CDKAL1: variants seen among roughly 807,000 people sequenced by gnomAD.
The protein encoded by CDKAL1 is CDKAL1 threonylcarbamoyladenosine tRNA methylthiotransferase, also known as threonylcarbamoyladenosine tRNA methylthiotransferase.
A neutral mutation model predicts 68.2 loss-of-function variants in CDKAL1; 32 were observed. The ratio of observed to expected loss-of-function variants is 0.47; its 90% CI spans 0.35 to 0.63. The LOEUF is 0.63. CDKAL1 is among the 30% of genes least tolerant of loss of function. CDKAL1 has a pLI of 0.00. For synonymous variants in CDKAL1, 234 were observed against 244.3 expected (o/e 0.96, Z 0.39); for missense variants, 606 against 696.7 (o/e 0.87, Z 1.47).
intron 9 of CDKAL1, among the ~76,000 whole-genome samples, chr6:20,891,695 C>T (rs1260277491): frequency 6.6e-6 from 1 of 151,972 alleles, no homozygotes; most frequent in African/African-American, 2.4e-5. Context: ...CCACCATGCC[C>T]GGCTAATTTT....
rs1013680232 is a variant in CDKAL1 at position 20,682,396 on chromosome 6, C to T, written c.371+33019C>T. On this transcript the variant is annotated intron_variant, in intron 5 of 15. Transcript: ENST00000274695. ...TGAGACTGGATAATTTATGGTGAAA[C>T]GAGGTTTAATTGACCCAGGGTTCCA... Among the ~76,000 whole-genome samples, 13 of 152,208 alleles carry T rather than the reference C, an allele frequency of 8.5e-5. No homozygotes were observed. In the South Asian group the frequency reaches 1.7e-3, roughly 19 times the overall value.
chr6:20,671,600 C>T (rs1204844940), intron 5 of CDKAL1, among the ~76,000 whole-genome samples: 4 of 152,148 alleles, frequency 2.6e-5, no homozygotes, highest in African/African-American at 9.7e-5. Flanking sequence ...TTTATATCTC[C>T]AATCCTTTTG....
At position 21,000,340 on chromosome 6, in the gene CDKAL1, C is replaced by T. The variant is rs1767363449; in HGVS notation, c.1023C>T (p.Asp341=). 1 of 1,613,504 alleles carries T rather than the reference C, an allele frequency of 6.2e-7. No individual in the cohort carries two copies. The highest frequency in any genetic ancestry group is 1.3e-5 in the African/African-American group (1 of 74,914). ...TGAAAAGAGAATACTGTGTGGCTGA[C>T]TTCAAAAGAGTAGTGGATTTTCTGA... ...MEMKREYCVA[D]FKRVVDFLKE... The change falls in exon 11 of 16, where the codon GAC becomes GAT. Residue 341 remains aspartate (D), a synonymous_variant. Coordinates refer to ENST00000274695, the MANE Select transcript of CDKAL1 (RefSeq NM_017774.3).
chr6:21,211,092 A>G (rs1489484145), intron 15 of CDKAL1, among the ~76,000 whole-genome samples: 1 of 152,218 alleles, frequency 6.6e-6, no homozygotes, highest in Non-Finnish European at 1.5e-5. Flanking sequence ...GGGAACTGTC[A>G]ATGTGGAGAG....
chr6:20,896,085 T>TC (rs943236732), intron 9 of CDKAL1, among the ~76,000 whole-genome samples: 1 of 128,702 alleles, frequency 7.8e-6, no homozygotes, highest in African/African-American at 2.8e-5. Context: ...TTTTCTTTTT[T>TC]TTCTTTTCTT....
At chr6:20,942,156 G>A (rs1037537178) in intron 9 of CDKAL1, among the ~76,000 whole-genome samples, 1 of 152,004 alleles carries the variant, frequency 6.6e-6, no homozygotes, top group Non-Finnish European at 1.5e-5. Flanking sequence ...CACTTTGATT[G>A]ATTGATGGTT....
At chr6:20,616,192 T>C (rs1561969184) in intron 4 of CDKAL1, among the ~76,000 whole-genome samples, 1 of 152,144 alleles carries the variant, frequency 6.6e-6, no homozygotes, top group Non-Finnish European at 1.5e-5. Context: ...AGCCTTGTAG[T>C]ATAGTTTGAA....
intron 14 of CDKAL1, among the ~76,000 whole-genome samples, chr6:21,199,391 C>T (rs924783461): frequency 6.6e-6 from 1 of 152,182 alleles, no homozygotes; most frequent in Non-Finnish European, 1.5e-5. Flanking sequence ...CCATGTCTGG[C>T]CTGCATCGCT....
rs142152050 is a variant in CDKAL1, at chr6:21,078,589, C to T, written c.1236+13361C>T. ...AGGAGCTCCTGCCTGCCTCTCCACTCCTCGATCTTGCCATTCCTTCCAACT... is the reference window on the plus strand; with the variant it reads ...AGGAGCTCCTGCCTGCCTCTCCACTTCTCGATCTTGCCATTCCTTCCAACT... On this transcript the variant is annotated intron_variant, in intron 12 of 15. Transcript: ENST00000274695. Among the ~76,000 whole-genome samples, 443 of 152,324 alleles carry T rather than the reference C, an allele frequency of 2.9e-3. 2 individuals carry two copies. Among genetic ancestry groups the T allele is most frequent in the Non-Finnish European group, 3.4e-3 (233 of 68,028 alleles).
At position 20,739,582 on chromosome 6, in the gene CDKAL1, C is replaced by G. The variant is rs767746943; in HGVS notation, c.435C>G (p.Arg145=). 1.2e-6 allele frequency: 2 copies of G among 1,612,544 alleles called. No individual in the cohort carries two copies. Among genetic ancestry groups the G allele is most frequent in the Admixed American group, 3.3e-5 (2 of 59,908 alleles). Reference sequence around the variant, plus strand: ...GATGCGTTCCTCAAGCCCAGCCTCGCCAGGACTACCTTAAGGGACTGAGTA... The same window carrying G: ...GATGCGTTCCTCAAGCCCAGCCTCGGCAGGACTACCTTAAGGGACTGAGTA... ...LAGCVPQAQP[R]QDYLKGLSII... is the part of the protein sequence containing the mutation. The change falls in exon 6 of 16, where the codon CGC becomes CGG. Residue 145 remains arginine, a synonymous_variant. Transcript: ENST00000274695.
intron 5 of CDKAL1, among the ~76,000 whole-genome samples, chr6:20,710,734 C>T (rs1394702212): frequency 6.6e-6 from 1 of 152,150 alleles, no homozygotes; most frequent in East Asian, 1.9e-4. Flanking sequence ...AGGTAATGTG[C>T]ATCTGTTACC....
chr6:20,836,638 T>C (rs1486079736), intron 8 of CDKAL1, among the ~76,000 whole-genome samples: 1 of 152,158 alleles, frequency 6.6e-6, no homozygotes, highest in Non-Finnish European at 1.5e-5. Context: ...ATTTTTTCCC[T>C]TTTCCATCCA....
intron 9 of CDKAL1, among the ~76,000 whole-genome samples, chr6:20,918,207 A>G (rs1454169923): frequency 6.6e-6 from 1 of 152,218 alleles, no homozygotes; most frequent in African/African-American, 2.4e-5. Context: ...ACAGGTGCTC[A>G]CCAGACACCA....
At chr6:21,195,477 TTTTATTTATTTATTTATTTATTTA>T (rs70993212) in intron 13 of CDKAL1, among the ~76,000 whole-genome samples, 1 of 118,580 alleles carries the variant, frequency 8.4e-6, no homozygotes, top group Non-Finnish European at 1.8e-5. Flanking sequence ...GAGATGTTTT[TTTTATTTATTTATTTATTTATTTA>T]TTTATTTATT....
intron 15 of CDKAL1, among the ~76,000 whole-genome samples, chr6:21,219,944 G>T (rs1779474527): frequency 6.6e-6 from 1 of 152,224 alleles, no homozygotes; most frequent in Admixed American, 6.5e-5. Context: ...CATGGAATGA[G>T]AATGGTTTCG....
intron 11 of CDKAL1, among the ~76,000 whole-genome samples, chr6:21,034,773 G>C (rs969381499): frequency 6.6e-6 from 1 of 152,146 alleles, no homozygotes; most frequent in African/African-American, 2.4e-5. Flanking sequence ...TCTAGTCTCA[G>C]CAAATTATTT....
At chr6:21,124,407 C>T (rs1188014285) in intron 13 of CDKAL1, among the ~76,000 whole-genome samples, 2 of 152,102 alleles carry the variant, frequency 1.3e-5, no homozygotes, top group African/African-American at 2.4e-5. Context: ...GCATCCCAGA[C>T]ATACATGCAA....
At chr6:20,949,523 A>G (rs1399230452) in intron 9 of CDKAL1, among the ~76,000 whole-genome samples, 1 of 152,034 alleles carries the variant, frequency 6.6e-6, no homozygotes, top group Non-Finnish European at 1.5e-5. Flanking sequence ...TAATCTGTGC[A>G]TCTCTTTTTT....
chr6:20,883,437 G>A (rs1213485518), intron 9 of CDKAL1, among the ~76,000 whole-genome samples: 1 of 152,184 alleles, frequency 6.6e-6, no homozygotes, highest in African/African-American at 2.4e-5. Flanking sequence ...CCCTGAATGT[G>A]GGTGGAACCT....
Sources: allele counts gnomAD v4.1 joint callset (sites outside exome capture counted in the v4.1 genomes callset), GRCh38; gene constraint gnomAD v4.1.1; transcripts MANE v1.5; gene names NCBI Gene and HGNC (gene_info 2026-07-23, HGNC 2026-07-21).